The following GALNTL6 variants were observed in gnomAD, a reference collection of about 807,000 sequenced individuals.
GALNTL6 encodes the protein polypeptide N-acetylgalactosaminyltransferase like 6.
GALNTL6 carries 46 observed loss-of-function variants against 73.7 expected under a neutral mutation model. That is an observed-to-expected ratio of 0.62 (90% CI 0.49 to 0.80). The LOEUF (loss-of-function observed/expected upper bound fraction) is 0.80, where lower values mean the gene tolerates loss of function less well. Ranked by LOEUF, GALNTL6 falls within the 30% of genes least tolerant of loss-of-function variation. The probability of loss-of-function intolerance (pLI) is 0.00; values close to 1 mark genes in which losing one functional copy is unlikely to be tolerated. For synonymous variants in GALNTL6, 259 were observed against 263.7 expected (o/e 0.98, Z 0.17); for missense variants, 604 against 755.0 (o/e 0.80, Z 2.34).
chr4:172,662,563 T>C (rs2111182769), intron 5 of GALNTL6, among the ~76,000 whole-genome samples: 1 of 152,312 alleles, frequency 6.6e-6, no homozygotes, highest in East Asian at 1.9e-4. Context: ...AACATGGGCC[T>C]TGAAAGAGCA....
At chr4:172,488,056 G>A (rs1233550953) in intron 5 of GALNTL6, among the ~76,000 whole-genome samples, 3 of 152,170 alleles carry the variant, frequency 2.0e-5, no homozygotes, top group African/African-American at 4.8e-5. Flanking sequence ...AAGTTGTCAT[G>A]AAAATTCACA....
intron 2 of GALNTL6, among the ~76,000 whole-genome samples, chr4:172,147,505 G>A (rs1733957417): frequency 6.6e-6 from 1 of 152,284 alleles, no homozygotes; most frequent in East Asian, 1.9e-4. Flanking sequence ...CATAACGTGT[G>A]TTACATTTTT....
chr4:172,897,733 T>C (rs1039272980), intron 8 of GALNTL6, among the ~76,000 whole-genome samples: 24 of 152,314 alleles, frequency 1.6e-4, no homozygotes, highest in African/African-American at 5.8e-4. Flanking sequence ...TACCTGAATG[T>C]TGAGGCTTCT....
At chr4:172,252,944 CACA>C (rs1357072313) in intron 3 of GALNTL6, among the ~76,000 whole-genome samples, 1 of 151,590 alleles carries the variant, frequency 6.6e-6, no homozygotes, top group African/African-American at 2.4e-5. Flanking sequence ...TAAAGGAAAA[CACA>C]ACATTTCCTA....
chr4:172,340,475 C>T (rs766966979), intron 4 of GALNTL6, among the ~76,000 whole-genome samples: 1 of 152,020 alleles, frequency 6.6e-6, no homozygotes, highest in Non-Finnish European at 1.5e-5. Context: ...TGTCTTTGCC[C>T]ATCTTTGACA....
At chr4:171,818,450 A>T (rs1289780019) in intron 2 of GALNTL6, among the ~76,000 whole-genome samples, 1 of 151,808 alleles carries the variant, frequency 6.6e-6, no homozygotes, top group Non-Finnish European at 1.5e-5. Flanking sequence ...GAATATTTAG[A>T]ATATGAAGAG....
intron 2 of GALNTL6, among the ~76,000 whole-genome samples, chr4:171,929,262 G>C (rs1478985686): frequency 1.3e-5 from 2 of 152,016 alleles, no homozygotes; most frequent in Non-Finnish European, 2.9e-5. Context: ...TGTAGAGATG[G>C]GATCTCTCTG....
intron 3 of GALNTL6, among the ~76,000 whole-genome samples, chr4:172,283,016 C>G (rs1259663682): frequency 5.3e-5 from 8 of 152,172 alleles, no homozygotes; most frequent in Non-Finnish European, 1.2e-4. Flanking sequence ...CTCTACATTT[C>G]TTACCCTGCC....
intron 5 of GALNTL6, among the ~76,000 whole-genome samples, chr4:172,410,572 G>A (rs1744395841): frequency 6.6e-6 from 1 of 151,964 alleles, no homozygotes; most frequent in Non-Finnish European, 1.5e-5. Flanking sequence ...ATGTCTGGGT[G>A]AGTCATGTCA....
intron 3 of GALNTL6, among the ~76,000 whole-genome samples, chr4:172,283,688 AAG>A (rs1739142713): frequency 6.6e-6 from 1 of 152,170 alleles, no homozygotes; most frequent in African/African-American, 2.4e-5. Flanking sequence ...TAATATTAAA[AAG>A]AGGACAGACT....
intron 5 of GALNTL6, among the ~76,000 whole-genome samples, chr4:172,568,636 T>TAGTC (rs1385000917): frequency 2.0e-5 from 3 of 150,402 alleles, no homozygotes; most frequent in African/African-American, 7.3e-5. Flanking sequence ...TGGGCGCCTG[T>TAGTC]AGTCCCAGCT....
At chr4:172,367,985 C>G (rs997040340) in intron 5 of GALNTL6, among the ~76,000 whole-genome samples, 3 of 152,118 alleles carry the variant, frequency 2.0e-5, no homozygotes, top group Non-Finnish European at 4.4e-5. Context: ...TAACTGAAGA[C>G]ACAAAATGAT....
intron 2 of GALNTL6, among the ~76,000 whole-genome samples, chr4:172,149,598 C>T (rs946188181): frequency 1.7e-4 from 26 of 152,124 alleles, no homozygotes; most frequent in African/African-American, 6.0e-4. Context: ...CTGCTGCCAC[C>T]GCCGAGCCCT....
At chr4:172,328,481 G>A (rs944621412) in intron 4 of GALNTL6, among the ~76,000 whole-genome samples, 2 of 152,154 alleles carry the variant, frequency 1.3e-5, no homozygotes, top group African/African-American at 4.8e-5. Flanking sequence ...CCTGAAATAT[G>A]TTTTCCAAGT....
chr4:172,204,104 TA>T (rs1292246828), intron 2 of GALNTL6, among the ~76,000 whole-genome samples: 3 of 152,166 alleles, frequency 2.0e-5, no homozygotes, highest in South Asian at 2.1e-4. Context: ...ATCTATCAAT[TA>T]AAAATTATGT....
intron 2 of GALNTL6, among the ~76,000 whole-genome samples, chr4:171,907,677 A>G (rs572233254): frequency 0.017 from 2,464 of 148,172 alleles, 130 homozygotes; most frequent in African/African-American, 0.058. Context: ...AAAAGAGCCC[A>G]CATCGCCAAG....
intron 11 of GALNTL6, among the ~76,000 whole-genome samples, chr4:173,018,452 A>T (rs981581709): frequency 6.6e-6 from 1 of 152,210 alleles, no homozygotes; most frequent in Admixed American, 6.5e-5. Context: ...TGTGTGTCAT[A>T]AATTGTTCTG....
At chr4:172,427,500 C>G (rs1731275696) in intron 5 of GALNTL6, among the ~76,000 whole-genome samples, 1 of 152,096 alleles carries the variant, frequency 6.6e-6, no homozygotes. Context: ...GGGGACACAG[C>G]CACACCATAT....
At chr4:172,138,510 TATA>T (rs1214106953) in intron 2 of GALNTL6, among the ~76,000 whole-genome samples, 6 of 20,078 alleles carry the variant, frequency 3.0e-4, no homozygotes, top group African/African-American at 5.8e-4. Context: ...TATATATATA[TATA>T]TTTTTTTTTT....
Sources: allele counts gnomAD v4.1 joint callset (sites outside exome capture counted in the v4.1 genomes callset), GRCh38; gene constraint gnomAD v4.1.1; transcripts MANE v1.5; gene names NCBI Gene and HGNC (gene_info 2026-07-23, HGNC 2026-07-21).